RELCH: variants seen among roughly 807,000 people sequenced by gnomAD.
The protein encoded by RELCH is RAB11 binding and LisH domain, coiled-coil and HEAT repeat containing.
RELCH carries 41 observed loss-of-function variants against 150.3 expected under a neutral mutation model. The ratio of observed to expected loss-of-function variants is 0.27; its 90% confidence interval spans 0.21 to 0.35. The LOEUF is 0.35. Ranked by LOEUF, RELCH falls within the 10% of genes least tolerant of loss-of-function variation. The probability of loss-of-function intolerance (pLI) is 1.00; values close to 1 mark genes in which losing one functional copy is unlikely to be tolerated. For missense variants in RELCH, 1,092 were observed against 1,467.8 expected (o/e 0.74, Z 4.18); for synonymous variants, 478 against 531.8 (o/e 0.90, Z 1.39).
At chr18:62,219,585 A>C (rs2040717879) in intron 2 of RELCH, among the ~76,000 whole-genome samples, 1 of 151,732 alleles carries the variant, frequency 6.6e-6, no homozygotes, top group African/African-American at 2.4e-5. Context: ...GTCTTACTTC[A>C]ATGCAACTCT....
chr18:62,187,285 G>A lies in RELCH; in HGVS notation c.-221G>A. 5.4e-6 allele frequency: 2 copies of A among 372,142 alleles called. No individual in the cohort carries two copies. Among genetic ancestry groups the A allele is most frequent in the Non-Finnish European group, 9.6e-6 (2 of 207,792 alleles). The allele number at this position is 372,142 out of a possible 1,614,324, so 23.1% of individuals were successfully genotyped here. ...TCGCGAGACTGGAGACCAGGAAGAC[G>A]CCTGCAGAGCCGGGCTGCTGGTGCA... On this transcript the variant is annotated 5_prime_UTR_variant, in exon 1 of 29. Transcript: ENST00000644646.
intron 1 of RELCH, among the ~76,000 whole-genome samples, chr18:62,205,690 T>G (rs1406562678): frequency 6.6e-6 from 1 of 152,186 alleles, no homozygotes; most frequent in African/African-American, 2.4e-5. Context: ...TACTGTAATA[T>G]TTGGCTTTCT....
intron 8 of RELCH, 67 bp from the exon 9 acceptor site, chr18:62,231,125 CTT>C: frequency 9.3e-7 from 1 of 1,075,730 alleles, no homozygotes; most frequent in Non-Finnish European, 1.4e-6. Flanking sequence ...TAATACATAA[CTT>C]AAATTTCTCC....
rs769394604 is a variant in RELCH at position 62,187,908 on chromosome 18, G to A, written c.403G>A (p.Gly135Ser). Reference protein sequence around the residue: ...PRLRDYFSNPGNFERQSGTPP... With the variant: ...PRLRDYFSNPSNFERQSGTPP... ...GCTGCGCGACTACTTCTCCAATCCA[G>A]GCAACTTCGAGAGGCAAAGTGGAAC... The change falls in exon 1 of 29, where the codon GGC becomes AGC. Residue 135 changes from glycine (G) to serine (S), a missense_variant. Transcript: ENST00000644646. The A allele has an allele frequency of 6.3e-7, 1 of 1,596,246 alleles. No homozygotes were observed. The highest frequency in any genetic ancestry group is 8.5e-7 in the Non-Finnish European group (1 of 1,172,332).
intron 28 of RELCH, among the ~76,000 whole-genome samples, chr18:62,302,199 T>C (rs1475425270): frequency 6.6e-6 from 1 of 152,210 alleles, no homozygotes; most frequent in South Asian, 2.1e-4. Flanking sequence ...AAACGGATGA[T>C]GATAAAATAC....
At chr18:62,274,127 A>G (rs769800224) in intron 21 of RELCH, 41 bp downstream of exon 21, 5 of 1,266,652 alleles carry the variant, frequency 3.9e-6, no homozygotes, top group Non-Finnish European at 5.8e-6. Flanking sequence ...AGGCATATAA[A>G]GTTTTTAGAT....
At chr18:62,285,346 T>C (rs1408837821) in intron 25 of RELCH, 1 of 152,156 alleles carries the variant, frequency 6.6e-6, no homozygotes, top group Non-Finnish European at 1.5e-5. Flanking sequence ...CTATTATCCT[T>C]TTTTCATTTA....
chr18:62,252,334 A>G (rs917958743), intron 11 of RELCH, among the ~76,000 whole-genome samples: 3 of 151,916 alleles, frequency 2.0e-5, no homozygotes, highest in Non-Finnish European at 4.4e-5. Flanking sequence ...ACTGTGCAAC[A>G]TGGTGAAACG....
chr18:62,228,529 G>C lies in RELCH; in HGVS notation c.1379G>C (p.Arg460Thr), dbSNP rs1030161219. The C allele has an allele frequency of 6.8e-6, 11 of 1,613,024 alleles. No individual in the cohort carries two copies. Among genetic ancestry groups the C allele is most frequent in the Non-Finnish European group, 9.3e-6 (11 of 1,179,486 alleles). ...KENSPNSFPRREREGMPPSSL... is the reference protein window; with the variant it reads ...KENSPNSFPRTEREGMPPSSL... ...AATTCCCCAAATTCATTCCCCAGGA[G>C]AGAAAGAGAAGGAATGCCACCTTCT... The change falls in exon 8 of 29, where the codon AGA (arginine) becomes ACA (threonine). Residue 460 changes from arginine to threonine, a missense_variant. Arg to Thr is a moderately conservative substitution (Grantham distance 71). Coordinates refer to ENST00000644646, the MANE Select transcript of RELCH (RefSeq NM_001346231.2).
chr18:62,187,971 G>T lies in RELCH; in HGVS notation c.466G>T (p.Ala156Ser). 6.2e-7 allele frequency: 1 copy of T among 1,600,306 alleles called. No homozygotes were observed. The change falls in exon 1 of 29, where the codon GCC becomes TCC. Residue 156 changes from alanine to serine, a missense_variant. Coordinates refer to ENST00000644646, the MANE Select transcript of RELCH (RefSeq NM_001346231.2). ...GGGGGCGCCAGGGGTCCCTGGAGCAGCCGGCGTTGGGGGCGCTGGAGGTCG... is the reference window on the plus strand; with the variant it reads ...GGGGGCGCCAGGGGTCCCTGGAGCATCCGGCGTTGGGGGCGCTGGAGGTCG... Reference protein sequence around the residue: ...GMGAPGVPGAAGVGGAGGREP... With the variant: ...GMGAPGVPGASGVGGAGGREP...
chr18:62,233,687 T>C (rs1199377077), intron 10 of RELCH, among the ~76,000 whole-genome samples: 2 of 151,978 alleles, frequency 1.3e-5, no homozygotes, highest in Admixed American at 6.6e-5. Flanking sequence ...TCTTTTCCTT[T>C]TTTAGCTTGT....
chr18:62,196,064 C>T (rs556442482), intron 1 of RELCH, among the ~76,000 whole-genome samples: 2 of 152,248 alleles, frequency 1.3e-5, no homozygotes, highest in African/African-American at 2.4e-5. Context: ...TAACTATGCT[C>T]GGTGTTCCTT....
At chr18:62,274,857 A>G (rs1172433626) in intron 21 of RELCH, among the ~76,000 whole-genome samples, 3 of 152,230 alleles carry the variant, frequency 2.0e-5, no homozygotes, top group Admixed American at 6.5e-5. Context: ...TGATTTCTGA[A>G]TATGCTAAAA....
chr18:62,277,724 C>G, intron 22 of RELCH: 1 of 932,398 alleles, frequency 1.1e-6, no homozygotes, highest in Non-Finnish European at 1.3e-6. Flanking sequence ...AGAGGGAACC[C>G]AATCAATCAT....
At chr18:62,234,073 G>C (rs930670624) in intron 10 of RELCH, among the ~76,000 whole-genome samples, 3 of 151,834 alleles carry the variant, frequency 2.0e-5, no homozygotes, top group Non-Finnish European at 4.4e-5. Flanking sequence ...TATCAGAAAA[G>C]TTGCCATTTA....
chr18:62,267,434 ATGTGTG>A (rs145946546), intron 19 of RELCH, among the ~76,000 whole-genome samples: 21 of 143,504 alleles, frequency 1.5e-4, no homozygotes, highest in Admixed American at 8.4e-4. Context: ...GTATATATGT[ATGTGTG>A]TGTGTGTGTG....
chr18:62,212,768 T>G (rs2040247758), intron 2 of RELCH, among the ~76,000 whole-genome samples: 1 of 152,210 alleles, frequency 6.6e-6, no homozygotes, highest in Admixed American at 6.5e-5. Flanking sequence ...CGATTGACTA[T>G]TATTTGCTAC....
intron 22 of RELCH, chr18:62,277,831 AT>A: frequency 1.1e-6 from 1 of 871,286 alleles, no homozygotes; most frequent in South Asian, 5.3e-5. Context: ...GTTATAATAA[AT>A]TTCCCAAAAG....
chr18:62,228,172 T>A (rs1359508139), intron 7 of RELCH, 133 bp from the exon 8 acceptor site: 1 of 691,556 alleles, frequency 1.4e-6, no homozygotes, highest in Non-Finnish European at 2.4e-6. Context: ...AAAAAAGATT[T>A]ATTACTTGCC....
Sources: gnomAD v4.1 joint callset for allele counts (sites outside exome capture counted in the v4.1 genomes callset) on GRCh38, gnomAD v4.1.1 for gene constraint, MANE v1.5 for transcripts, NCBI Gene and HGNC (gene_info 2026-07-23, HGNC 2026-07-21) for gene names.